The following JAM2 variants were observed in gnomAD, a reference collection of about 807,000 sequenced individuals.
JAM2 encodes junctional adhesion molecule 2.
In JAM2, 17 loss-of-function variants were observed where a neutral mutation model predicts 42.0. The ratio of observed to expected loss-of-function variants is 0.40; its 90% CI spans 0.28 to 0.61. The LOEUF (loss-of-function observed/expected upper bound fraction) is 0.61. Ranked by LOEUF, JAM2 falls within the 20% of genes least tolerant of loss-of-function variation. The probability of loss-of-function intolerance (pLI) is 0.37; values close to 1 mark genes in which losing one functional copy is unlikely to be tolerated. For missense variants in JAM2, 319 were observed against 358.3 expected (o/e 0.89, Z 0.89); for synonymous variants, 118 against 128.6 (o/e 0.92, Z 0.56).
In JAM2 at chr21:25,645,171, G is replaced by A. The variant is rs1600985481; in HGVS notation, c.67+5283G>A. Among the ~76,000 whole-genome samples the A allele has an allele frequency of 2.0e-5, 3 of 152,294 alleles. No individual in the cohort carries two copies. The East Asian group carries it at 5.8e-4, about 29-fold the overall frequency. On this transcript the variant is annotated intron_variant, in intron 1 of 9. Transcript: ENST00000480456. ...GCTGGGATTACAGGCGTGAGCCACC[G>A]CGCCTGGCCTAAAGCTATATTTTTT...
chr21:25,659,892 A>G (rs989911122), intron 1 of JAM2, among the ~76,000 whole-genome samples: 13 of 152,212 alleles, frequency 8.5e-5, no homozygotes, highest in South Asian at 2.1e-4. Context: ...ACATAAACCT[A>G]GTGTCTTCTC....
intron 6 of JAM2, among the ~76,000 whole-genome samples, chr21:25,704,051 C>T (rs1183078563): frequency 6.6e-6 from 1 of 151,010 alleles, no homozygotes; most frequent in African/African-American, 2.5e-5. Flanking sequence ...CATTGACAAA[C>T]TACAAGACAG....
chr21:25,654,798 A>T (rs1268413129), intron 1 of JAM2, among the ~76,000 whole-genome samples: 1 of 152,240 alleles, frequency 6.6e-6, no homozygotes, highest in South Asian at 2.1e-4. Context: ...CACAAATTAA[A>T]TGACACCACA....
rs1478977080 is a variant in JAM2, at chr21:25,683,475, G to A, written c.68-408G>A. On this transcript the variant is annotated intron_variant, in intron 1 of 9. Coordinates refer to ENST00000480456, the MANE Select transcript of JAM2 (RefSeq NM_021219.4). ...TTCTATATGACATGGGTATTGTCAA[G>A]GATAAATTCATAAAGCTATTTATAC... 4.0e-4 allele frequency among the ~76,000 whole-genome samples: 61 copies of A among 152,052 alleles called. 1 individual carries two copies. The highest frequency in any genetic ancestry group is 3.9e-3 in the Admixed American group (60 of 15,268).
chr21:25,668,104 T>C (rs1307412273), intron 1 of JAM2, among the ~76,000 whole-genome samples: 1 of 152,092 alleles, frequency 6.6e-6, no homozygotes, highest in Non-Finnish European at 1.5e-5. Flanking sequence ...GAGTCTGGCC[T>C]GATTGAGGAT....
intron 1 of JAM2, among the ~76,000 whole-genome samples, chr21:25,664,622 C>T (rs2033172061): frequency 2.0e-5 from 3 of 152,230 alleles, no homozygotes; most frequent in Admixed American, 6.5e-5. Context: ...TCTGCCATTC[C>T]GTGATTTCCA....
At chr21:25,695,813 T>G (rs1029991995) in intron 4 of JAM2, among the ~76,000 whole-genome samples, 46 of 138,286 alleles carry the variant, frequency 3.3e-4, no homozygotes, top group African/African-American at 1.2e-3. Context: ...GCAGAGGCGC[T>G]CCTCACATCC....
Position 25,715,737 on chromosome 21 carries a change from T to G in JAM2, c.*1065T>G, listed in dbSNP as rs1328448722. Reference sequence around the variant, plus strand: ...TGGCTCAAACGAAAAGTGGATCTAATGTGGGTTTCTCAACCGATGAACCAC... The same window carrying G: ...TGGCTCAAACGAAAAGTGGATCTAAGGTGGGTTTCTCAACCGATGAACCAC... On this transcript the variant is annotated 3_prime_UTR_variant, in exon 10 of 10. Coordinates refer to ENST00000480456, the MANE Select transcript of JAM2 (RefSeq NM_021219.4). 6.6e-6 allele frequency: 1 copy of G among 152,244 alleles called. No individual in the cohort carries two copies. Among genetic ancestry groups the G allele is most frequent in the Non-Finnish European group, 1.5e-5 (1 of 68,046 alleles). 9.4% of individuals were successfully genotyped at this position (152,244 alleles called of 1,614,324 possible).
chr21:25,644,060 C>G (rs546740903), intron 1 of JAM2: 15 of 152,324 alleles, frequency 9.8e-5, no homozygotes, highest in African/African-American at 3.4e-4. Flanking sequence ...CAGTATACCC[C>G]TCTTGCTAGA....
chr21:25,712,078 C>T, intron 8 of JAM2: 1 of 388,072 alleles, frequency 2.6e-6, no homozygotes, highest in South Asian at 3.2e-5. Flanking sequence ...TTGTGTATTC[C>T]ACAAAAATCT....
chr21:25,653,534 C>T (rs2032840758), intron 1 of JAM2, among the ~76,000 whole-genome samples: 1 of 152,068 alleles, frequency 6.6e-6, no homozygotes, highest in African/African-American at 2.4e-5. Context: ...TGGTAGAAGG[C>T]AAAGGGGAAG....
At chr21:25,699,591 C>T (rs531089475) in intron 5 of JAM2, among the ~76,000 whole-genome samples, 54 of 151,868 alleles carry the variant, frequency 3.6e-4, no homozygotes, top group East Asian at 7.8e-4. Flanking sequence ...GGCGTGGTGG[C>T]GGGCGCCTGT....
intron 2 of JAM2, among the ~76,000 whole-genome samples, chr21:25,689,576 T>C (rs545362017): frequency 6.6e-6 from 1 of 152,228 alleles, no homozygotes; most frequent in Non-Finnish European, 1.5e-5. Context: ...GTGCTTTGCA[T>C]ATCTTATTGC....
chr21:25,652,962 C>G (rs1348266565), intron 1 of JAM2, among the ~76,000 whole-genome samples: 2 of 152,198 alleles, frequency 1.3e-5, no homozygotes, highest in African/African-American at 4.8e-5. Context: ...AGTCTTTTCT[C>G]TACAATCTTC....
rs547675207 is a variant in JAM2, at chr21:25,682,808, G to A, written c.68-1075G>A. 1.4e-4 allele frequency among the ~76,000 whole-genome samples: 22 copies of A among 152,214 alleles called. 1 individual carries two copies. The South Asian group carries it at 4.4e-3, about 30-fold the overall frequency. On this transcript the variant is annotated intron_variant, in intron 1 of 9. Coordinates refer to ENST00000480456, the MANE Select transcript of JAM2 (RefSeq NM_021219.4). ...AGGATGGATGGGGAGCTGGAAGAAG[G>A]GATGGAGTGGGAAGATGGTCTTTTC...
chr21:25,640,500 A>AG (rs1202169228), intron 1 of JAM2, among the ~76,000 whole-genome samples: 2 of 152,210 alleles, frequency 1.3e-5, no homozygotes, highest in African/African-American at 4.8e-5. Flanking sequence ...CTCTGTCCTC[A>AG]GGGGACATCC....
intron 5 of JAM2, among the ~76,000 whole-genome samples, chr21:25,701,690 T>C (rs1016148748): frequency 6.6e-6 from 1 of 152,234 alleles, no homozygotes; most frequent in African/African-American, 2.4e-5. Context: ...TCCTAGGCCC[T>C]AAGCTACTTC....
intron 1 of JAM2, among the ~76,000 whole-genome samples, chr21:25,651,822 C>T (rs971268874): frequency 6.6e-6 from 1 of 152,200 alleles, no homozygotes; most frequent in Non-Finnish European, 1.5e-5. Flanking sequence ...TCTCTCTGTA[C>T]TGTCATCTCC....
At chr21:25,651,226 T>C (rs958578299) in intron 1 of JAM2, among the ~76,000 whole-genome samples, 9 of 152,116 alleles carry the variant, frequency 5.9e-5, no homozygotes, top group Non-Finnish European at 1.0e-4. Flanking sequence ...TGACAGAGTA[T>C]TATCACTGAT....
Sources: gnomAD v4.1 joint callset for allele counts (sites outside exome capture counted in the v4.1 genomes callset) on GRCh38, gnomAD v4.1.1 for gene constraint, MANE v1.5 for transcripts, NCBI Gene and HGNC (gene_info 2026-07-23, HGNC 2026-07-21) for gene names.